Variants in ESRRB observed in about 807,000 individuals in gnomAD.
The protein encoded by ESRRB is steroid hormone receptor ERR2.
ESRRB carries 16 observed loss-of-function variants against 46.0 expected under a neutral mutation model. The ratio of observed to expected loss-of-function variants is 0.35; its 90% CI spans 0.24 to 0.53. ESRRB has a LOEUF of 0.53. Ranked by LOEUF, ESRRB falls within the 20% of genes least tolerant of loss-of-function variation. The probability of loss-of-function intolerance (pLI) is 0.93; values close to 1 mark genes in which losing one functional copy is unlikely to be tolerated. For synonymous variants in ESRRB, 246 were observed against 259.6 expected (o/e 0.95, Z 0.50); for missense variants, 488 against 607.4 (o/e 0.80, Z 2.07).
intron 1 of ESRRB, among the ~76,000 whole-genome samples, chr14:76,399,235 A>G (rs1214923618): frequency 3.3e-5 from 5 of 152,102 alleles, no homozygotes; most frequent in Non-Finnish European, 7.4e-5. Context: ...AAGGAGTCCT[A>G]TGCTTTTGAC....
In ESRRB at chr14:76,499,149, TC is replaced by T; in HGVS notation, c.*697del. On this transcript the variant is annotated 3_prime_UTR_variant, in exon 7 of 7. Coordinates refer to ENST00000644823, the MANE Select transcript of ESRRB (RefSeq NM_001379180.1). ...TCCACCTGTCCTCCTCCTCTTCTCCTCCCCCCGGGAGTCCCCCGCTACTTCC... is the reference window on the plus strand; with the variant it reads ...TCCACCTGTCCTCCTCCTCTTCTCCTCCCCCGGGAGTCCCCCGCTACTTCC... 2 of 302,016 alleles carry T rather than the reference TC, an allele frequency of 6.6e-6. No homozygotes were observed. The highest frequency in any genetic ancestry group is 6.5e-6 in the Non-Finnish European group (1 of 155,010). The allele number at this position is 302,016 out of a possible 1,614,324, so 18.7% of individuals were successfully genotyped here. A position where few individuals can be genotyped will look rare whatever the true frequency, so the allele number is the denominator to read the frequency against.
At chr14:76,390,359 G>A (rs967846724) in intron 1 of ESRRB, among the ~76,000 whole-genome samples, 4 of 152,012 alleles carry the variant, frequency 2.6e-5, no homozygotes, top group African/African-American at 9.7e-5. Context: ...CGTGGTGGTG[G>A]GCACCTGTAA....
chr14:76,434,702 T>C (rs1241277819), intron 1 of ESRRB, among the ~76,000 whole-genome samples: 1 of 150,564 alleles, frequency 6.6e-6, no homozygotes, highest in Admixed American at 6.6e-5. Context: ...AAAAGAGCAG[T>C]GACAGGATTC....
At position 76,327,179 on chromosome 14, in the gene ESRRB, T is replaced by C. The variant is rs1344546440; in HGVS notation, c.2+16263T>C. 2.0e-5 allele frequency among the ~76,000 whole-genome samples: 3 copies of C among 152,222 alleles called. 1 individual carries two copies. The highest frequency in any genetic ancestry group is 7.2e-5 in the African/African-American group (3 of 41,472). ...CCAAGGGATTCTCAACCAAGAGGCC[T>C]GGTGTCCTGGTGTCTCTTGCATATG... On this transcript the variant is annotated intron_variant, in intron 1 of 6. Transcript: ENST00000512784.
intron 3 of ESRRB, among the ~76,000 whole-genome samples, chr14:76,480,582 C>T (rs1889768431): frequency 6.6e-6 from 1 of 152,230 alleles, no homozygotes; most frequent in Non-Finnish European, 1.5e-5. Context: ...CATGAATGGG[C>T]TCTAAATCAT....
At position 76,345,414 on chromosome 14, in the gene ESRRB, C is replaced by T. The variant is rs537572209; in HGVS notation, c.2+34498C>T. ...AATAGACAATTCTCAAAAGAAGATACACAAATGGCCAACAAACATGAAAAA... is the reference window on the plus strand; with the variant it reads ...AATAGACAATTCTCAAAAGAAGATATACAAATGGCCAACAAACATGAAAAA... On this transcript the variant is annotated intron_variant, in intron 1 of 6. Coordinates refer to the ESRRB transcript ENST00000512784. Among the ~76,000 whole-genome samples, 8 of 152,176 alleles carry T rather than the reference C, an allele frequency of 5.3e-5. 1 individual carries two copies. The South Asian group carries it at 1.7e-3, about 32-fold the overall frequency.
intron 5 of ESRRB, among the ~76,000 whole-genome samples, chr14:76,485,260 G>C (rs936449464): frequency 2.0e-5 from 2 of 97,922 alleles, no homozygotes; most frequent in African/African-American, 7.7e-5. Context: ...TTTTTTTTGA[G>C]ATGGAGTCTC....
chr14:76,469,926 GTTGTTT>G (rs1889291475), intron 3 of ESRRB, among the ~76,000 whole-genome samples: 2 of 67,650 alleles, frequency 3.0e-5, no homozygotes, highest in Non-Finnish European at 6.8e-5. Context: ...TGTGTTTTTT[GTTGTTT>G]TTTTTTTTTT....
At chr14:76,357,574 C>T (rs1283615287) in intron 1 of ESRRB, among the ~76,000 whole-genome samples, 1 of 152,186 alleles carries the variant, frequency 6.6e-6, no homozygotes, top group East Asian at 1.9e-4. Context: ...AGAGCAGAGG[C>T]ATGATCACAG....
At chr14:76,331,376 G>GCT (rs1884011471) in intron 1 of ESRRB, among the ~76,000 whole-genome samples, 1 of 152,110 alleles carries the variant, frequency 6.6e-6, no homozygotes, top group Non-Finnish European at 1.5e-5. Context: ...CTGTAAAATG[G>GCT]GGATGATAAA....
chr14:76,446,036 C>T (rs1009542870), intron 2 of ESRRB, among the ~76,000 whole-genome samples: 1 of 151,990 alleles, frequency 6.6e-6, no homozygotes, highest in Non-Finnish European at 1.5e-5. Flanking sequence ...AGTACAATGG[C>T]GGGGGAGGGA....
At chr14:76,497,587 G>A (rs937320834) in intron 6 of ESRRB, among the ~76,000 whole-genome samples, 5 of 152,114 alleles carry the variant, frequency 3.3e-5, no homozygotes, top group Admixed American at 2.6e-4. Flanking sequence ...GCCTCATGCC[G>A]CCACCTTGAC....
intron 1 of ESRRB, among the ~76,000 whole-genome samples, chr14:76,337,395 T>C (rs1884140104): frequency 6.6e-6 from 1 of 152,108 alleles, no homozygotes; most frequent in South Asian, 2.1e-4. Context: ...GCATTCGTGG[T>C]GGTAGGTGCT....
At chr14:76,390,662 G>GT (rs1462099942) in intron 1 of ESRRB, among the ~76,000 whole-genome samples, 1 of 152,190 alleles carries the variant, frequency 6.6e-6, no homozygotes, top group African/African-American at 2.4e-5. Flanking sequence ...GTAGAGGAAT[G>GT]TAAGTTTTAT....
At chr14:76,319,487 A>T (rs1883842748) in intron 1 of ESRRB, among the ~76,000 whole-genome samples, 1 of 150,954 alleles carries the variant, frequency 6.6e-6, no homozygotes, top group South Asian at 2.1e-4. Context: ...GCCATCCATG[A>T]CTCTTCTTTC....
At chr14:76,469,459 C>T (rs938797566) in intron 3 of ESRRB, among the ~76,000 whole-genome samples, 11 of 152,222 alleles carry the variant, frequency 7.2e-5, no homozygotes, top group African/African-American at 2.7e-4. Flanking sequence ...TTCTCTCTCA[C>T]TACTGGATCA....
At chr14:76,478,942 G>T (rs1052263559) in intron 3 of ESRRB, among the ~76,000 whole-genome samples, 1 of 152,176 alleles carries the variant, frequency 6.6e-6, no homozygotes, top group Admixed American at 6.5e-5. Context: ...ATAGGTTCAG[G>T]TCTGGAGCTG....
chr14:76,446,437 G>A (rs1453723929), intron 2 of ESRRB, among the ~76,000 whole-genome samples: 1 of 150,804 alleles, frequency 6.6e-6, no homozygotes, highest in African/African-American at 2.4e-5. Flanking sequence ...GAGAATAGAT[G>A]AGCTCATAGA....
At chr14:76,475,403 A>C (rs770531703) in intron 3 of ESRRB, among the ~76,000 whole-genome samples, 68 of 152,038 alleles carry the variant, frequency 4.5e-4, no homozygotes, top group Admixed American at 1.0e-3. Context: ...AAAAAGTGGA[A>C]TCACATAATA....
Sources: gnomAD v4.1 joint callset for allele counts (sites outside exome capture counted in the v4.1 genomes callset) on GRCh38, gnomAD v4.1.1 for gene constraint, MANE v1.5 for transcripts, NCBI Gene and HGNC (gene_info 2026-07-23, HGNC 2026-07-21) for gene names.